The following CERS4 variants were observed in gnomAD, a reference collection of about 807,000 sequenced individuals.
CERS4 encodes ceramide synthase 4.
A neutral mutation model predicts 51.8 loss-of-function variants in CERS4; 65 were observed. That is an observed-to-expected ratio of 1.26 (90% CI 1.03 to 1.54). CERS4 has a LOEUF of 1.54. Among genes scored for constraint, CERS4 ranks in the 40% most tolerant of loss-of-function variants. The pLI, the probability that CERS4 is intolerant of heterozygous loss-of-function variation, is 0.00. For synonymous variants in CERS4, 228 were observed against 208.4 expected (o/e 1.09, Z -0.81); for missense variants, 563 against 500.4 (o/e 1.13, Z -1.19).
intron 10 of CERS4, among the ~76,000 whole-genome samples, chr19:8,259,070 G>A (rs1969543563): frequency 6.6e-6 from 1 of 152,120 alleles, no homozygotes; most frequent in Non-Finnish European, 1.5e-5. Context: ...GGAGGCAGAG[G>A]TTGCAGTGAG....
At chr19:8,235,730 A>G (rs138063884) in intron 2 of CERS4, among the ~76,000 whole-genome samples, 119 of 151,638 alleles carry the variant, frequency 7.8e-4, no homozygotes, top group Middle Eastern at 3.4e-3. Flanking sequence ...CCCAATCTCT[A>G]TAAAGAATTT....
rs544022967 is a variant in CERS4 at position 8,209,633 on chromosome 19, G to A, written c.-159+139G>A. On this transcript the variant is annotated intron_variant, in intron 1 of 11. Coordinates refer to ENST00000251363, the MANE Select transcript of CERS4 (RefSeq NM_024552.3). ...CTCCAGCCCCCATCACCCCGCCGGG[G>A]ACTGTCCCCCTCGGGGCTTCCCATC... is the stretch of plus-strand genomic sequence containing the variant. 402 of 152,382 alleles carry A rather than the reference G, an allele frequency of 2.6e-3. 2 individuals carry two copies. The highest frequency in any genetic ancestry group is 9.2e-3 in the African/African-American group (382 of 41,588). 9.4% of individuals were successfully genotyped at this position (152,382 alleles called of 1,614,324 possible).
chr19:8,245,633 G>A (rs569228851), intron 2 of CERS4, among the ~76,000 whole-genome samples: 132 of 151,904 alleles, frequency 8.7e-4, no homozygotes, highest in Middle Eastern at 6.8e-3. Flanking sequence ...TCCGCCTCCC[G>A]GGTTCAAGCA....
chr19:8,230,236 A>G (rs62126394), intron 2 of CERS4, among the ~76,000 whole-genome samples: 6,690 of 150,736 alleles, frequency 0.044, 156 homozygotes, highest in South Asian at 0.057. Context: ...GAGCTGGAGC[A>G]CAGTGGTGCG....
At chr19:8,243,694 G>A (rs1377253380) in intron 2 of CERS4, among the ~76,000 whole-genome samples, 1 of 149,938 alleles carries the variant, frequency 6.7e-6, no homozygotes, top group Non-Finnish European at 1.5e-5. Flanking sequence ...ACCCCTTGCT[G>A]ATAGATAGAG....
At chr19:8,211,361 C>T (rs1382066939) in intron 2 of CERS4, among the ~76,000 whole-genome samples, 2 of 152,126 alleles carry the variant, frequency 1.3e-5, no homozygotes, top group Non-Finnish European at 2.9e-5. Context: ...TCTCCCTTTC[C>T]GACTGGCTGG....
chr19:8,228,024 GACAA>G (rs1967857564), intron 2 of CERS4, among the ~76,000 whole-genome samples: 1 of 152,040 alleles, frequency 6.6e-6, no homozygotes, highest in Non-Finnish European at 1.5e-5. Flanking sequence ...ACCACGCCCA[GACAA>G]TTTTTGTATT....
At chr19:8,253,461 TTTTTTTTTTTG>T (rs1318566525) in intron 3 of CERS4, among the ~76,000 whole-genome samples, 2 of 148,574 alleles carry the variant, frequency 1.3e-5, no homozygotes, top group African/African-American at 5.0e-5. Flanking sequence ...TTTTTTTTTT[TTTTTTTTTTTG>T]GGGAGACAGA....
At chr19:8,252,145 C>T (rs888671846) in intron 3 of CERS4, among the ~76,000 whole-genome samples, 8 of 151,528 alleles carry the variant, frequency 5.3e-5, no homozygotes, top group Admixed American at 1.3e-4. Context: ...CCAAGGTGGG[C>T]GGATCATGAT....
chr19:8,256,127 G>T (rs1471285999), intron 6 of CERS4, 109 bp from the exon 7 acceptor site: 1 of 1,226,122 alleles, frequency 8.2e-7, no homozygotes, highest in Non-Finnish European at 1.2e-6. Flanking sequence ...GCAGGGCTGG[G>T]TGAAGGTAGC....
rs774345353 is a variant in CERS4, at chr19:8,262,033, C to A, written c.1109C>A (p.Pro370His). 1.3e-6 allele frequency: 2 copies of A among 1,558,372 alleles called. No homozygotes were observed. Among genetic ancestry groups the A allele is most frequent in the South Asian group, 2.4e-5 (2 of 82,708 alleles). ...CTAAAGAACGGGGCAGCTGGAGGGCCCAGGCCAGCCCCCACTGATGGCCCT... is the reference window on the plus strand; with the variant it reads ...CTAAAGAACGGGGCAGCTGGAGGGCACAGGCCAGCCCCCACTGATGGCCCT... The part of the protein sequence containing the change: ...LQLKNGAAGG[P>H]RPAPTDGPRS... The change falls in exon 12 of 12, where the codon CCC becomes CAC. Residue 370 changes from proline (P) to histidine (H), a missense_variant. By Grantham distance (77) the Pro-to-His change is moderately conservative. Transcript: ENST00000251363.
intron 2 of CERS4, among the ~76,000 whole-genome samples, chr19:8,235,721 C>T (rs773978765): frequency 6.6e-6 from 1 of 151,012 alleles, no homozygotes. Flanking sequence ...GACCCTCCCC[C>T]CAATCTCTAT....
rs1969394063 is a variant in CERS4 at position 8,256,554 on chromosome 19, G to A, written c.520-64G>A. On this transcript the variant is annotated intron_variant, in intron 7 of 11. Transcript: ENST00000251363. ...TTTGAGCAAACGGAGTGGGCCCGGAGCCATACCCCTGCCCGATTGGAGCCT... is the reference window on the plus strand; with the variant it reads ...TTTGAGCAAACGGAGTGGGCCCGGAACCATACCCCTGCCCGATTGGAGCCT... The A allele has an allele frequency of 3.4e-6, 5 of 1,468,048 alleles. No individual in the cohort carries two copies. In the Admixed American group the frequency reaches 9.6e-5, roughly 28 times the overall value. 90.9% of individuals were successfully genotyped at this position (1,468,048 alleles called of 1,614,324 possible). A position where few individuals can be genotyped will look rare whatever the true frequency, so the allele number is the denominator to read the frequency against.
intron 2 of CERS4, among the ~76,000 whole-genome samples, chr19:8,241,909 CAGA>C (rs1192362380): frequency 6.6e-6 from 1 of 152,158 alleles, no homozygotes; most frequent in Non-Finnish European, 1.5e-5. Context: ...AGGGAACAAA[CAGA>C]AGAACTGGAT....
At chr19:8,224,317 G>T (rs1300551773) in intron 2 of CERS4, among the ~76,000 whole-genome samples, 3 of 150,466 alleles carry the variant, frequency 2.0e-5, no homozygotes, top group Non-Finnish European at 4.4e-5. Context: ...TGAGGCAGGA[G>T]AATCGCTTGA....
rs533457019 is a variant in CERS4 at position 8,235,158 on chromosome 19, A to G, written c.-1-15918A>G. On this transcript the variant is annotated intron_variant, in intron 2 of 11. Transcript: ENST00000251363. Reference sequence around the variant, plus strand: ...CGAGTAGCTGGGATTACAGGCACACACCACCATGCCTGGCTAATTTTTGTA... The same window carrying G: ...CGAGTAGCTGGGATTACAGGCACACGCCACCATGCCTGGCTAATTTTTGTA... Among the ~76,000 whole-genome samples, 143 of 147,580 alleles carry G rather than the reference A, an allele frequency of 9.7e-4. 2 individuals are homozygous for G. In the South Asian group the frequency reaches 0.029, roughly 30 times the overall value.
At chr19:8,218,215 T>C (rs1175698264) in intron 2 of CERS4, among the ~76,000 whole-genome samples, 1 of 152,208 alleles carries the variant, frequency 6.6e-6, no homozygotes, top group Non-Finnish European at 1.5e-5. Context: ...TCTGCCCACC[T>C]TGGCCTCCCA....
chr19:8,261,585 G>C (rs1231944396), intron 10 of CERS4, 103 bp from the exon 11 acceptor site: 2 of 1,349,108 alleles, frequency 1.5e-6, no homozygotes, highest in African/African-American at 2.9e-5. Context: ...GGGAGCCATA[G>C]GTGGTTATGG....
chr19:8,256,059 A>G, intron 6 of CERS4, 177 bp from the exon 7 acceptor site: 1 of 945,692 alleles, frequency 1.1e-6, no homozygotes, highest in African/African-American at 1.6e-5. Flanking sequence ...ACTATGCACC[A>G]AAAGTTGGGG....
Sources: gnomAD v4.1 joint callset for allele counts (sites outside exome capture counted in the v4.1 genomes callset) on GRCh38, gnomAD v4.1.1 for gene constraint, MANE v1.5 for transcripts, NCBI Gene and HGNC (gene_info 2026-07-23, HGNC 2026-07-21) for gene names.